The following SASH1 variants were observed in gnomAD, a reference collection of about 807,000 sequenced individuals.
The protein encoded by SASH1 is SAM and SH3 domain containing 1, also known as SAM and SH3 domain-containing protein 1.
SASH1 carries 44 observed loss-of-function variants against 125.2 expected under a neutral mutation model. The observed-to-expected ratio is 0.35, with a 90% CI of 0.28 to 0.45. SASH1 has a LOEUF of 0.45. Among genes scored for constraint, SASH1 ranks in the 20% least tolerant of loss-of-function variants. The probability of loss-of-function intolerance (pLI) is 1.00; values close to 1 mark genes in which losing one functional copy is unlikely to be tolerated. For synonymous variants in SASH1, 639 were observed against 649.1 expected (o/e 0.98, Z 0.24); for missense variants, 1,426 against 1,614.5 (o/e 0.88, Z 2.00).
At position 148,530,275 on chromosome 6, in the gene SASH1, A is replaced by C. The variant is rs1781434691; in HGVS notation, c.1429-1251A>C. ...ATAATTTTTTAAAGCATTTGAAAAT[A>C]TATCAGAGACCCACATTTACTATTG... On this transcript the variant is annotated intron_variant, in intron 12 of 19. Transcript: ENST00000367467. Among the ~76,000 whole-genome samples the C allele has an allele frequency of 2.0e-5, 3 of 152,340 alleles. No individual in the cohort carries two copies. In the South Asian group the frequency reaches 6.2e-4, roughly 32 times the overall value.
intron 2 of SASH1, among the ~76,000 whole-genome samples, chr6:148,417,766 G>T (rs1477761841): frequency 1.3e-5 from 2 of 151,854 alleles, no homozygotes; most frequent in Admixed American, 1.3e-4. Flanking sequence ...TACCTTATAA[G>T]TTTTTTTCAG....
At chr6:148,401,125 A>G (rs1404022246) in intron 2 of SASH1, among the ~76,000 whole-genome samples, 1 of 152,012 alleles carries the variant, frequency 6.6e-6, no homozygotes, top group Non-Finnish European at 1.5e-5. Flanking sequence ...ATGGTGGCGC[A>G]TGCCTGTAGT....
chr6:148,208,960 A>G, the SASH1 span, among the ~76,000 whole-genome samples: 1 of 152,254 alleles, frequency 6.6e-6, no homozygotes, highest in Admixed American at 6.5e-5. Flanking sequence ...ATCTTTAAAA[A>G]TAAGGCCTTT....
rs1403752975 is a variant in SASH1, at chr6:148,519,924, AACCACCGTCGCAGGCACC to A, written c.1209+35_1209+52del. The stretch of plus-strand genomic sequence containing the variant: ...TACGGATGGTGTTTGCTTCTATGAC[AACCACCGTCGCAGGCACC>A]ACCTTCTGGTGTCCCTGGAGGAGTT... On this transcript the variant is annotated intron_variant, in intron 10 of 19. Coordinates refer to ENST00000367467, the MANE Select transcript of SASH1 (RefSeq NM_015278.5). This position sits in a 1 kb window ranked among gnomAD's most constrained non-coding sequence, Gnocchi z 4.8. The A allele has an allele frequency of 6.8e-7, 1 of 1,468,324 alleles. No homozygotes were observed. Among genetic ancestry groups the A allele is most frequent in the Non-Finnish European group, 9.1e-7 (1 of 1,093,276 alleles). The allele number at this position is 1,468,324 out of a possible 1,614,324, so 91.0% of individuals were successfully genotyped here.
intron 4 of SASH1, among the ~76,000 whole-genome samples, chr6:148,441,142 C>G (rs1482334520): frequency 1.3e-5 from 2 of 152,240 alleles, no homozygotes; most frequent in Non-Finnish European, 2.9e-5. Flanking sequence ...AAGTCCACAT[C>G]TCTAAACAGA....
At chr6:148,328,488 G>A (rs1222874544) in intron 1 of SASH1, among the ~76,000 whole-genome samples, 1 of 151,978 alleles carries the variant, frequency 6.6e-6, no homozygotes, top group Non-Finnish European at 1.5e-5. Context: ...AGATACTCAG[G>A]AGGCTGAGGC....
At chr6:148,197,395 G>A in the SASH1 span, among the ~76,000 whole-genome samples, 1 of 152,218 alleles carries the variant, frequency 6.6e-6, no homozygotes. Context: ...GGATAAGAGA[G>A]AAGTCTAATT....
At chr6:148,415,278 G>C (rs1262522957) in intron 2 of SASH1, among the ~76,000 whole-genome samples, 1 of 152,150 alleles carries the variant, frequency 6.6e-6, no homozygotes, top group Non-Finnish European at 1.5e-5. Context: ...TTACTCTAAA[G>C]GGGCCTGGGC....
the SASH1 span, among the ~76,000 whole-genome samples, chr6:148,195,650 G>A: frequency 6.6e-6 from 1 of 152,208 alleles, no homozygotes; most frequent in East Asian, 1.9e-4. Context: ...GTGGGTGGTG[G>A]CTTCCCGTGA....
intron 8 of SASH1, among the ~76,000 whole-genome samples, chr6:148,507,808 C>G (rs1272515116): frequency 6.6e-6 from 1 of 152,160 alleles, no homozygotes; most frequent in African/African-American, 2.4e-5. Flanking sequence ...TACATGAAGA[C>G]TCACCCAACA....
intron 8 of SASH1, chr6:148,513,101 T>G: frequency 2.0e-6 from 2 of 985,454 alleles, no homozygotes; most frequent in Non-Finnish European, 2.4e-6. Flanking sequence ...TCTCTTGAGG[T>G]ATTCTCTGCA....
chr6:148,225,581 G>A, the SASH1 span, among the ~76,000 whole-genome samples: 2 of 152,146 alleles, frequency 1.3e-5, no homozygotes, highest in Admixed American at 6.5e-5. Context: ...GGGAAAGGGT[G>A]GGAGGGGAGT....
intron 2 of SASH1, among the ~76,000 whole-genome samples, chr6:148,413,059 G>C (rs2114915401): frequency 6.6e-6 from 1 of 152,292 alleles, no homozygotes; most frequent in South Asian, 2.1e-4. Flanking sequence ...AGCTACTTTG[G>C]TATTTGATTA....
At chr6:148,199,076 C>T in the SASH1 span, among the ~76,000 whole-genome samples, 13 of 152,042 alleles carry the variant, frequency 8.6e-5, no homozygotes, top group Non-Finnish European at 1.5e-4. Context: ...GATATCAGTA[C>T]GGGGATGAGA....
intron 2 of SASH1, among the ~76,000 whole-genome samples, chr6:148,410,989 A>G (rs1164235919): frequency 6.6e-6 from 1 of 151,964 alleles, no homozygotes; most frequent in Non-Finnish European, 1.5e-5. Context: ...GCGAAAACCT[A>G]TCTCTATTAA....
intron 8 of SASH1, among the ~76,000 whole-genome samples, chr6:148,489,063 G>A (rs1169313311): frequency 6.6e-6 from 1 of 152,028 alleles, no homozygotes; most frequent in Non-Finnish European, 1.5e-5. Context: ...TCATGAAGAT[G>A]TTGCCCTCTG....
At position 148,546,076 on chromosome 6, in the gene SASH1, C is replaced by G. The variant is rs762217152; in HGVS notation, c.3410C>G (p.Pro1137Arg). 1.2e-6 allele frequency: 2 copies of G among 1,614,256 alleles called. No individual in the cohort carries two copies. The highest frequency in any genetic ancestry group is 2.2e-5 in the South Asian group (2 of 91,088). ...VQRYAEDLDQ[P>R]ERDVAANMDQ... is the part of the protein sequence containing the mutation. ...AGATACGCAGAGGACTTGGATCAGC[C>G]CGAGCGGGACGTCGCCGCCAACATG... is the stretch of plus-strand genomic sequence containing the variant. The change falls in exon 19 of 20, where the codon CCC (proline) becomes CGC (arginine). Residue 1137 changes from proline (P) to arginine (R), a missense_variant. By Grantham distance (103) the Pro-to-Arg change is moderately radical (BLOSUM62 -2). Coordinates refer to ENST00000367467, the MANE Select transcript of SASH1 (RefSeq NM_015278.5).
intron 1 of SASH1, among the ~76,000 whole-genome samples, chr6:148,363,945 C>T (rs770719526): frequency 5.9e-5 from 9 of 152,160 alleles, no homozygotes; most frequent in Non-Finnish European, 1.0e-4. Flanking sequence ...TCTAATGGGA[C>T]ATACATTCTA....
chr6:148,319,078 G>C (rs527247339), intron 1 of SASH1, among the ~76,000 whole-genome samples: 1 of 126,092 alleles, frequency 7.9e-6, no homozygotes, highest in South Asian at 2.7e-4. Context: ...TGTAGCCCAG[G>C]CTGGAGTGCA....
Sources: allele counts gnomAD v4.1 joint callset (sites outside exome capture counted in the v4.1 genomes callset), GRCh38; gene constraint gnomAD v4.1.1; non-coding constraint Gnocchi (gnomAD v3.1); transcripts MANE v1.5; gene names NCBI Gene and HGNC (gene_info 2026-07-23, HGNC 2026-07-21).